Variants in RSF1 observed in about 807,000 individuals in gnomAD.
RSF1 encodes the protein remodeling and spacing factor 1, also known as HBV pX-associated protein 8.
A neutral mutation model predicts 145.2 loss-of-function variants in RSF1; 13 were observed. The ratio of observed to expected loss-of-function variants is 0.09; its 90% CI spans 0.06 to 0.14. The LOEUF (loss-of-function observed/expected upper bound fraction) is 0.14. Among genes scored for constraint, RSF1 ranks in the 10% least tolerant of loss-of-function variants. RSF1 has a pLI of 1.00. For missense variants in RSF1, 1,517 were observed against 1,718.2 expected (o/e 0.88, Z 2.07); for synonymous variants, 577 against 592.6 (o/e 0.97, Z 0.38).
At chr11:77,739,481 T>G (rs1961454166) in intron 4 of RSF1, 1 of 152,166 alleles carries the variant, frequency 6.6e-6, no homozygotes, top group South Asian at 2.1e-4. Flanking sequence ...AGCAAATTAA[T>G]TACAAGGAAA....
At position 77,661,857 on chromosome 11, in the gene RSF1, G is replaced by A. The variant is rs1482773821; in HGVS notation, c.*5060C>T. 1 of 151,124 alleles carries A rather than the reference G, an allele frequency of 6.6e-6. No homozygotes were observed. Among genetic ancestry groups the A allele is most frequent in the Admixed American group, 6.6e-5 (1 of 15,126 alleles). 9.4% of individuals were successfully genotyped at this position (151,124 alleles called of 1,614,324 possible). Reference sequence around the variant, plus strand: ...CAATAACTATGTTCTGGCTGTTCATGAGCATGACGTGCAAGCTGCTGGTCT... The same window carrying A: ...CAATAACTATGTTCTGGCTGTTCATAAGCATGACGTGCAAGCTGCTGGTCT... On this transcript the variant is annotated 3_prime_UTR_variant, in exon 16 of 16. Coordinates refer to ENST00000308488, the MANE Select transcript of RSF1 (RefSeq NM_016578.4).
chr11:77,663,796 AC>A lies in RSF1; in HGVS notation c.*3120del, dbSNP rs772296392. 3 of 152,208 alleles carry A rather than the reference AC, an allele frequency of 2.0e-5. No individual in the cohort carries two copies. Among genetic ancestry groups the A allele is most frequent in the Non-Finnish European group, 4.4e-5 (3 of 68,042 alleles). The allele number at this position is 152,208 out of a possible 1,614,324, so 9.4% of individuals were successfully genotyped here. A position where few individuals can be genotyped will look rare whatever the true frequency, so the allele number is the denominator to read the frequency against. On this transcript the variant is annotated 3_prime_UTR_variant, in exon 16 of 16. Coordinates refer to ENST00000308488, the MANE Select transcript of RSF1 (RefSeq NM_016578.4). ...AAAGCTTCTGCTGTGTGAAAAGCTGACTAGTTTTCAAACCTTTTCAGAAATT... is the reference window on the plus strand; with the variant it reads ...AAAGCTTCTGCTGTGTGAAAAGCTGATAGTTTTCAAACCTTTTCAGAAATT...
chr11:77,684,983 A>G (rs921114341), intron 10 of RSF1, 122 bp downstream of exon 10: 3 of 462,988 alleles, frequency 6.5e-6, no homozygotes, highest in Middle Eastern at 6.2e-4. Flanking sequence ...ACGAAACTCC[A>G]TCTCGAAATA....
At chr11:77,779,281 C>T (rs1478789752) in intron 1 of RSF1, among the ~76,000 whole-genome samples, 1 of 152,146 alleles carries the variant, frequency 6.6e-6, no homozygotes, top group Non-Finnish European at 1.5e-5. Flanking sequence ...GATCATAGCT[C>T]ACTGCAGCCT....
intron 5 of RSF1, among the ~76,000 whole-genome samples, chr11:77,713,742 G>A (rs1215265865): frequency 4.6e-5 from 7 of 151,888 alleles, no homozygotes; most frequent in Non-Finnish European, 1.0e-4. Flanking sequence ...TTTTGTAAAG[G>A]CATTAATTCT....
At chr11:77,672,259 C>A in intron 14 of RSF1, 29 bp from the exon 15 acceptor site, 4 of 1,541,818 alleles carry the variant, frequency 2.6e-6, no homozygotes, top group Non-Finnish European at 2.6e-6. Flanking sequence ...GAACAAAGTA[C>A]AAAATTTAAG....
intron 1 of RSF1, among the ~76,000 whole-genome samples, chr11:77,777,626 T>C (rs1346683691): frequency 6.6e-6 from 1 of 151,946 alleles, no homozygotes; most frequent in Non-Finnish European, 1.5e-5. Context: ...AATAAAGTAA[T>C]ACTTCCTTTT....
Position 77,667,241 on chromosome 11 carries a change from T to C in RSF1, c.4002A>G (p.Gln1334=), listed in dbSNP as rs1438559168. 2 of 1,614,090 alleles carry C rather than the reference T, an allele frequency of 1.2e-6. No homozygotes were observed. Among genetic ancestry groups the C allele is most frequent in the East Asian group, 4.5e-5 (2 of 44,894 alleles). The change falls in exon 16 of 16, where the codon CAA becomes CAG. Residue 1334 remains glutamine (Q), a synonymous_variant. Transcript: ENST00000308488. ...TCCGGTAGGGCTTCTTGGTGCTCTC[T>C]TGTTCTGAGGGCAGGACCCTAGGCT... ...DSQPRVLPSE[Q]ESTKKPYRIE... is the part of the protein sequence containing the mutation.
At chr11:77,695,619 C>A (rs1434955274) in intron 7 of RSF1, among the ~76,000 whole-genome samples, 1 of 151,886 alleles carries the variant, frequency 6.6e-6, no homozygotes, top group African/African-American at 2.4e-5. Flanking sequence ...TCTGGCACAA[C>A]AGGATGTTTC....
At position 77,662,420 on chromosome 11, in the gene RSF1, T is replaced by G. The variant is rs1372817120; in HGVS notation, c.*4497A>C. On this transcript the variant is annotated 3_prime_UTR_variant, in exon 16 of 16. Transcript: ENST00000308488. ...ATGAATGAATACAAAAAGTGGTGAG[T>G]GTATACTCTAAAGTGGTTATATACT... 6.6e-6 allele frequency: 1 copy of G among 152,078 alleles called. No individual in the cohort carries two copies. Among genetic ancestry groups the G allele is most frequent in the Non-Finnish European group, 1.5e-5 (1 of 67,984 alleles). 9.4% of individuals were successfully genotyped at this position (152,078 alleles called of 1,614,324 possible).
At chr11:77,687,875 G>A (rs1404282248) in intron 9 of RSF1, among the ~76,000 whole-genome samples, 1 of 152,184 alleles carries the variant, frequency 6.6e-6, no homozygotes, top group Non-Finnish European at 1.5e-5. Context: ...TATAGCATAT[G>A]AGGCTGTTGT....
Position 77,674,627 on chromosome 11 carries a change from GCTTT to G in RSF1, c.3562+405_3562+408del, listed in dbSNP as rs533548465. 7.2e-5 allele frequency among the ~76,000 whole-genome samples: 11 copies of G among 152,326 alleles called. No homozygotes were observed. The South Asian group carries it at 2.3e-3, about 32-fold the overall frequency. On this transcript the variant is annotated intron_variant, in intron 14 of 15. Transcript: ENST00000308488. ...AATCAGTATGTATTTTCTCAGATGT[GCTTT>G]CTATGAGAAAAATTTAGTCAGAAAT...
At chr11:77,849,318 T>A in the RSF1 span, among the ~76,000 whole-genome samples, 1 of 151,952 alleles carries the variant, frequency 6.6e-6, no homozygotes, top group African/African-American at 2.4e-5. Context: ...GACTCCCGGG[T>A]TCAAGCGATT....
chr11:77,794,483 G>A (rs1280391372), intron 1 of RSF1, among the ~76,000 whole-genome samples: 2 of 151,798 alleles, frequency 1.3e-5, no homozygotes, highest in African/African-American at 2.4e-5. Flanking sequence ...AGGAGTTCAA[G>A]ACAAGCCCGG....
intron 9 of RSF1, among the ~76,000 whole-genome samples, chr11:77,690,396 C>T (rs1254910726): frequency 1.3e-5 from 2 of 152,144 alleles, no homozygotes; most frequent in East Asian, 3.9e-4. Context: ...TGGACATACC[C>T]TCCACAATAT....
chr11:77,745,115 C>T (rs150993653), intron 3 of RSF1, among the ~76,000 whole-genome samples: 334 of 152,154 alleles, frequency 2.2e-3, no homozygotes, highest in African/African-American at 7.2e-3. Flanking sequence ...CTTTGTATTT[C>T]TGTGGTATTG....
rs2135933345 is a variant in RSF1 at position 77,759,858 on chromosome 11, A to AG, written c.279+4739_279+4740insC. On this transcript the variant is annotated intron_variant, in intron 2 of 15. Coordinates refer to ENST00000308488, the MANE Select transcript of RSF1 (RefSeq NM_016578.4). The stretch of plus-strand genomic sequence containing the variant: ...AGAATTAAATGGTGATGCATGTTAA[A>AG]AAAAAAAAAAAAAAAGCATAGCACT... Among the ~76,000 whole-genome samples, 3 of 148,402 alleles carry AG rather than the reference A, an allele frequency of 2.0e-5. No individual in the cohort carries two copies. In the East Asian group the frequency reaches 5.8e-4, roughly 29 times the overall value.
the RSF1 span, among the ~76,000 whole-genome samples, chr11:77,854,807 G>A: frequency 7.2e-5 from 11 of 152,216 alleles, no homozygotes; most frequent in African/African-American, 1.9e-4. Flanking sequence ...GGGACTCTGT[G>A]TAGGGGCTCC....
At chr11:77,758,896 C>T (rs571307637) in intron 2 of RSF1, among the ~76,000 whole-genome samples, 1 of 152,258 alleles carries the variant, frequency 6.6e-6, no homozygotes, top group East Asian at 1.9e-4. Context: ...ATTCTGTAGG[C>T]TGTCTTTTCA....
Sources: allele counts gnomAD v4.1 joint callset (sites outside exome capture counted in the v4.1 genomes callset), GRCh38; gene constraint gnomAD v4.1.1; transcripts MANE v1.5; gene names NCBI Gene and HGNC (gene_info 2026-07-23, HGNC 2026-07-21).